The following KRR1 variants were observed in gnomAD, a reference collection of about 807,000 sequenced individuals.
The protein encoded by KRR1 is KRR1 small subunit processome component homolog.
A neutral mutation model predicts 50.0 loss-of-function variants in KRR1; 23 were observed. The ratio of observed to expected loss-of-function variants is 0.46; its 90% confidence interval spans 0.33 to 0.65. The LOEUF is 0.65. Ranked by LOEUF, KRR1 falls within the 30% of genes least tolerant of loss-of-function variation. The pLI is 0.02. For synonymous variants in KRR1, 133 were observed against 146.3 expected (o/e 0.91, Z 0.66); for missense variants, 419 against 442.4 (o/e 0.95, Z 0.47).
intron 1 of KRR1, among the ~76,000 whole-genome samples, chr12:75,509,501 G>A (rs974521638): frequency 1.3e-4 from 20 of 151,812 alleles, no homozygotes; most frequent in African/African-American, 4.4e-4. Flanking sequence ...CAGACAATTG[G>A]CTAGTCTTCA....
In KRR1 at chr12:75,499,818, T is replaced by G; in HGVS notation, c.1137A>C (p.Lys379Asn). ...KMEADEKKKKKKK is the reference protein window; with the variant it reads ...KMEADEKKKKNKK ...AGGAGTTTTGGGTATGTTACTTTTT[T>G]TTCTTCTTTTTCTTTTCATCTGCCT... Residue 379 changes from lysine (K) to asparagine (N), a missense_variant, in exon 10 of 10, where the codon AAA becomes AAC. Lys to Asn is a moderately conservative substitution (Grantham distance 94). Coordinates refer to ENST00000229214, the MANE Select transcript of KRR1 (RefSeq NM_007043.7). The G allele has an allele frequency of 6.3e-7, 1 of 1,599,182 alleles. No individual in the cohort carries two copies. The highest frequency in any genetic ancestry group is 1.7e-4 in the Middle Eastern group (1 of 6,004).
rs1416509862 is a variant in KRR1 at position 75,493,606 on chromosome 12, T to C, written c.*6203A>G. On this transcript the variant is annotated 3_prime_UTR_variant, in exon 10 of 10. Coordinates refer to ENST00000229214, the MANE Select transcript of KRR1 (RefSeq NM_007043.7). ...AGTACCAGTGTGCTTAGGCCGTCAC[T>C]GCCTTAGGGACCCTTACCCATATTT... is the stretch of plus-strand genomic sequence containing the variant. 3 of 152,214 alleles carry C rather than the reference T, an allele frequency of 2.0e-5. No individual in the cohort carries two copies. The highest frequency in any genetic ancestry group is 2.0e-4 in the Admixed American group (3 of 15,278). The allele number at this position is 152,214 out of a possible 1,614,324, so 9.4% of individuals were successfully genotyped here.
chr12:75,500,612 G>T (rs1330207669), intron 9 of KRR1: 1 of 151,906 alleles, frequency 6.6e-6, no homozygotes, highest in Non-Finnish European at 1.5e-5. Flanking sequence ...ACAATAATTT[G>T]AGAGTGTGTG....
Position 75,495,444 on chromosome 12 carries a change from ACTTCTATTACC to A in KRR1, c.*4354_*4364del. 1 of 587,740 alleles carries A rather than the reference ACTTCTATTACC, an allele frequency of 1.7e-6. No individual in the cohort carries two copies. The highest frequency in any genetic ancestry group is 2.8e-5 in the East Asian group (1 of 35,546). The allele number at this position is 587,740 out of a possible 1,614,324, so 36.4% of individuals were successfully genotyped here. A position where few individuals can be genotyped will look rare whatever the true frequency, so the allele number is the denominator to read the frequency against. Reference sequence around the variant, plus strand: ...CTTCCATTTCTGCCTTCCTGTCTTCACTTCTATTACCAACTCTCTGGACCTTTGTACTTCAC... The same window carrying A: ...CTTCCATTTCTGCCTTCCTGTCTTCAAACTCTCTGGACCTTTGTACTTCAC... On this transcript the variant is annotated 3_prime_UTR_variant, in exon 10 of 10. Coordinates refer to ENST00000229214, the MANE Select transcript of KRR1 (RefSeq NM_007043.7).
chr12:75,498,294 C>CT lies in KRR1; in HGVS notation c.*1514dup, dbSNP rs1360599825. ...GACTGGATGAAAGAGAGGTCACTGT[C>CT]TTTTCACTATGGATTCATCATAAAC... On this transcript the variant is annotated 3_prime_UTR_variant, in exon 10 of 10. Coordinates refer to ENST00000229214, the MANE Select transcript of KRR1 (RefSeq NM_007043.7). 2 of 156,462 alleles carry CT rather than the reference C, an allele frequency of 1.3e-5. No homozygotes were observed. The highest frequency in any genetic ancestry group is 2.8e-5 in the Non-Finnish European group (2 of 71,880). 9.7% of individuals were successfully genotyped at this position (156,462 alleles called of 1,614,324 possible).
At chr12:75,502,701 C>T (rs2046403159) in intron 7 of KRR1, 1 of 151,966 alleles carries the variant, frequency 6.6e-6, no homozygotes, top group African/African-American at 2.4e-5. Flanking sequence ...ATAAATAACT[C>T]GCCCAGTCAC....
In KRR1 at chr12:75,495,997, G is replaced by GTTTTT. The variant is rs370713345; in HGVS notation, c.*3807_*3811dup. 2.7e-4 allele frequency: 36 copies of GTTTTT among 132,316 alleles called. No individual in the cohort carries two copies. The highest frequency in any genetic ancestry group is 7.1e-4 in the African/African-American group (24 of 33,680). 8.2% of individuals were successfully genotyped at this position (132,316 alleles called of 1,614,324 possible). ...TCCAAACAAACAGAATTCTGTTTTC[G>GTTTTT]TTTTTTTTTTTGTTTTTTTTTTTTG... On this transcript the variant is annotated 3_prime_UTR_variant, in exon 10 of 10. Coordinates refer to ENST00000229214, the MANE Select transcript of KRR1 (RefSeq NM_007043.7).
intron 1 of KRR1, among the ~76,000 whole-genome samples, chr12:75,510,752 A>G (rs1296594347): frequency 6.6e-6 from 1 of 152,212 alleles, no homozygotes; most frequent in African/African-American, 2.4e-5. Flanking sequence ...ATTAAACTCT[A>G]TATAAGTTGT....
chr12:75,503,830 C>A, intron 7 of KRR1, 74 bp downstream of exon 7: 1 of 1,331,862 alleles, frequency 7.5e-7, no homozygotes, highest in South Asian at 1.4e-5. Flanking sequence ...ACCTGAAATA[C>A]TTTCAATAAA....
chr12:75,506,263 C>A, intron 5 of KRR1, 53 bp downstream of exon 5: 4 of 1,147,556 alleles, frequency 3.5e-6, no homozygotes, highest in Non-Finnish European at 5.1e-6. Context: ...ATATTATAAC[C>A]AAATTATTTG....
rs375247979 is a variant in KRR1 at position 75,498,679 on chromosome 12, C to T, written c.*1130G>A. The stretch of plus-strand genomic sequence containing the variant: ...CCCTTTTAATTTTTTTTCTTTCTTC[C>T]CCCTAACTTTACAGTTAACCGACAG... On this transcript the variant is annotated 3_prime_UTR_variant, in exon 10 of 10. Transcript: ENST00000229214. 3 of 1,606,926 alleles carry T rather than the reference C, an allele frequency of 1.9e-6. No homozygotes were observed. The highest frequency in any genetic ancestry group is 2.6e-6 in the Non-Finnish European group (3 of 1,174,596).
chr12:75,507,941 G>A (rs781634044), intron 2 of KRR1, among the ~76,000 whole-genome samples: 3 of 152,092 alleles, frequency 2.0e-5, no homozygotes, highest in Non-Finnish European at 4.4e-5. Flanking sequence ...ACATGACTCA[G>A]CTCAGACTGG....
intron 1 of KRR1, 92 bp from the exon 2 acceptor site, chr12:75,508,538 ATCC>A: frequency 1.1e-6 from 1 of 872,124 alleles, no homozygotes; most frequent in Middle Eastern, 2.9e-4. Context: ...CTTTATGAAC[ATCC>A]TATGCACATA....
At chr12:75,507,414 T>C (rs1225396630) in intron 2 of KRR1, among the ~76,000 whole-genome samples, 1 of 152,184 alleles carries the variant, frequency 6.6e-6, no homozygotes, top group Non-Finnish European at 1.5e-5. Flanking sequence ...AACTTAAGCA[T>C]TAACTTTCAA....
At chr12:75,500,010 G>T in intron 9 of KRR1, 59 bp from the exon 10 acceptor site, 2 of 1,326,844 alleles carry the variant, frequency 1.5e-6, no homozygotes, top group Non-Finnish European at 2.1e-6. Context: ...GTAAAACAAA[G>T]AATATATGTT....
intron 7 of KRR1, chr12:75,502,218 A>T: frequency 2.3e-6 from 1 of 436,488 alleles, no homozygotes; most frequent in Non-Finnish European, 4.1e-6. Context: ...AACCCAGAGT[A>T]GTTCAGGGAT....
At position 75,496,764 on chromosome 12, in the gene KRR1, A is replaced by T. The variant is rs891310524; in HGVS notation, c.*3045T>A. 1.3e-5 allele frequency: 2 copies of T among 152,218 alleles called. No homozygotes were observed. The highest frequency in any genetic ancestry group is 4.8e-5 in the African/African-American group (2 of 41,464). 9.4% of individuals were successfully genotyped at this position (152,218 alleles called of 1,614,324 possible). ...TTTGGAAAAAAGTGTTCCATTGCTC[A>T]TGTTTTATAAGGTCCCTTGCAGGCC... On this transcript the variant is annotated 3_prime_UTR_variant, in exon 10 of 10. Coordinates refer to ENST00000229214, the MANE Select transcript of KRR1 (RefSeq NM_007043.7).
chr12:75,499,531 G>C lies in KRR1; in HGVS notation c.*278C>G, dbSNP rs2046375451. 5.0e-6 allele frequency: 1 copy of C among 198,596 alleles called. No individual in the cohort carries two copies. The highest frequency in any genetic ancestry group is 1.0e-5 in the Non-Finnish European group (1 of 100,438). 12.3% of individuals were successfully genotyped at this position (198,596 alleles called of 1,614,324 possible). A position where few individuals can be genotyped will look rare whatever the true frequency, so the allele number is the denominator to read the frequency against. On this transcript the variant is annotated 3_prime_UTR_variant, in exon 10 of 10. Transcript: ENST00000229214. ...CATTAGAGAGGGAACATCAAATGCT[G>C]GGACATCATTACTAACCAATAGCAT...
At chr12:75,500,063 CT>C in intron 9 of KRR1, 112 bp from the exon 10 acceptor site, 1 of 753,664 alleles carries the variant, frequency 1.3e-6, no homozygotes, top group Non-Finnish European at 2.0e-6. Flanking sequence ...TCAGAGTATT[CT>C]TATAATTGAA....
Sources: allele counts gnomAD v4.1 joint callset (sites outside exome capture counted in the v4.1 genomes callset), GRCh38; gene constraint gnomAD v4.1.1; transcripts MANE v1.5; gene names NCBI Gene and HGNC (gene_info 2026-07-23, HGNC 2026-07-21).